The following GTPBP10 variants were observed in gnomAD, a reference collection of about 807,000 sequenced individuals.
GTPBP10 encodes GTP binding protein 10.
In GTPBP10, 38 loss-of-function variants were observed where a neutral mutation model predicts 44.8. That is an observed-to-expected ratio of 0.85 (90% CI 0.65 to 1.11). The LOEUF (loss-of-function observed/expected upper bound fraction) is 1.11, where lower values mean the gene tolerates loss of function less well. Among genes scored for constraint, GTPBP10 ranks in the 50% most tolerant of loss-of-function variants. GTPBP10 has a pLI of 0.00. For synonymous variants in GTPBP10, 152 were observed against 150.6 expected (o/e 1.01, Z -0.07); for missense variants, 462 against 453.7 (o/e 1.02, Z -0.17).
rs376077150 is a variant in GTPBP10, at chr7:90,384,467, C to T, written c.902-425C>T. Among the ~76,000 whole-genome samples the T allele has an allele frequency of 2.4e-3, 360 of 152,188 alleles. 2 individuals carry two copies. Among genetic ancestry groups the T allele is most frequent in the African/African-American group, 8.1e-3 (335 of 41,522 alleles). Reference sequence around the variant, plus strand: ...GATCCTAGCATCATTGATGATAAACCTATACTTTGGGGAAGTTAAAGGTCT... The same window carrying T: ...GATCCTAGCATCATTGATGATAAACTTATACTTTGGGGAAGTTAAAGGTCT... On this transcript the variant is annotated intron_variant, in intron 9 of 9. Coordinates refer to ENST00000222511, the MANE Select transcript of GTPBP10 (RefSeq NM_033107.4).
rs1013329253 is a variant in GTPBP10 at position 90,346,745 on chromosome 7, G to A, written c.4G>A (p.Val2Met). 2 of 1,614,258 alleles carry A rather than the reference G, an allele frequency of 1.2e-6. No homozygotes were observed. Among genetic ancestry groups the A allele is most frequent in the Non-Finnish European group, 1.7e-6 (2 of 1,180,042 alleles). Residue 2 changes from valine to methionine, a missense_variant, in exon 1 of 10, where the codon GTG (valine) becomes ATG (methionine). Transcript: ENST00000222511. ...GGTTTCCTGGCCTGTTGCAGCCATGGTGCATTGCAGTTGCGTGTTGTTCAG... is the reference window on the plus strand; with the variant it reads ...GGTTTCCTGGCCTGTTGCAGCCATGATGCATTGCAGTTGCGTGTTGTTCAG... M[V>M]HCSCVLFRKY...
intron 8 of GTPBP10, among the ~76,000 whole-genome samples, chr7:90,381,681 A>G (rs1034202031): frequency 6.6e-6 from 1 of 152,242 alleles, no homozygotes; most frequent in Non-Finnish European, 1.5e-5. Flanking sequence ...CAAAGCTATC[A>G]TAATCAAAAC....
chr7:90,369,727 G>A (rs965013310), intron 4 of GTPBP10, among the ~76,000 whole-genome samples: 16 of 152,144 alleles, frequency 1.1e-4, no homozygotes, highest in African/African-American at 3.6e-4. Flanking sequence ...AGACTGTCAC[G>A]ACTTCCCTTG....
chr7:90,366,754 T>G (rs913445792), intron 4 of GTPBP10, among the ~76,000 whole-genome samples: 1 of 152,078 alleles, frequency 6.6e-6, no homozygotes, highest in Non-Finnish European at 1.5e-5. Context: ...ATTCATTGAT[T>G]TTTTTGAAGG....
chr7:90,373,319 T>C (rs1023134583), intron 5 of GTPBP10, among the ~76,000 whole-genome samples: 2 of 152,150 alleles, frequency 1.3e-5, no homozygotes, highest in African/African-American at 4.8e-5. Flanking sequence ...AGAAAATGGA[T>C]TGGTGTGGGA....
rs1367415104 is a variant in GTPBP10, at chr7:90,386,684, A to G, written c.*1530A>G. On this transcript the variant is annotated 3_prime_UTR_variant, in exon 10 of 10. Transcript: ENST00000222511. ...CATAGCAAGACCCTGGCTCTCTATA[A>G]AACAGAAAACGCAAACTTTAATATT... 2 of 152,184 alleles carry G rather than the reference A, an allele frequency of 1.3e-5. No homozygotes were observed. Among genetic ancestry groups the G allele is most frequent in the Admixed American group, 6.5e-5 (1 of 15,282 alleles). The allele number at this position is 152,184 out of a possible 1,614,324, so 9.4% of individuals were successfully genotyped here.
Position 90,354,442 on chromosome 7 carries a change from A to C in GTPBP10, c.228-16A>C, listed in dbSNP as rs781488885. The C allele has an allele frequency of 2.2e-6, 3 of 1,356,802 alleles. No individual in the cohort carries two copies. The South Asian group carries it at 3.8e-5, about 17-fold the overall frequency. 84.0% of individuals were successfully genotyped at this position (1,356,802 alleles called of 1,614,324 possible). On this transcript the variant is annotated splice_polypyrimidine_tract_variant and intron_variant, in intron 2 of 9. Transcript: ENST00000222511. ...CACACACACATACATACATATATAT[A>C]CTTTTTTTTTGGTAGAATTAGTGCA...
At chr7:90,374,196 C>A in intron 5 of GTPBP10, 106 bp from the exon 6 acceptor site, 2 of 817,518 alleles carry the variant, frequency 2.4e-6, no homozygotes, top group Non-Finnish European at 4.1e-6. Context: ...CAAATTAGAA[C>A]AAAATCTGAA....
chr7:90,351,499 C>T (rs1055190271), intron 1 of GTPBP10, among the ~76,000 whole-genome samples: 3 of 152,172 alleles, frequency 2.0e-5, no homozygotes, highest in East Asian at 3.8e-4. Context: ...TTTTTGCACT[C>T]ATAACACACA....
chr7:90,362,002 C>G, intron 4 of GTPBP10, among the ~76,000 whole-genome samples: 1 of 152,076 alleles, frequency 6.6e-6, no homozygotes, highest in Non-Finnish European at 1.5e-5. Flanking sequence ...TTTATTGCGT[C>G]TATTTGATTC....
At chr7:90,354,797 TG>T (rs1562953938) in intron 3 of GTPBP10, among the ~76,000 whole-genome samples, 1 of 152,172 alleles carries the variant, frequency 6.6e-6, no homozygotes, top group Non-Finnish European at 1.5e-5. Context: ...TTTACTGAAG[TG>T]TTTTTCTGGG....
chr7:90,372,505 CAG>C (rs1455022180), intron 5 of GTPBP10, among the ~76,000 whole-genome samples: 49 of 47,912 alleles, frequency 1.0e-3, no homozygotes, highest in African/African-American at 1.4e-4. Flanking sequence ...TTTGTGGGGA[CAG>C]GGGTTTCGCC....
At chr7:90,353,055 C>A in intron 2 of GTPBP10, 46 bp downstream of exon 2, 3 of 1,317,802 alleles carry the variant, frequency 2.3e-6, no homozygotes, top group Non-Finnish European at 3.1e-6. Flanking sequence ...TCAAACCCTT[C>A]TGGAAATTTT....
At chr7:90,352,322 A>G (rs42656) in intron 1 of GTPBP10, among the ~76,000 whole-genome samples, 76,913 of 152,138 alleles carry the variant, frequency 0.51, 20,650 homozygotes, top group Middle Eastern at 0.61. Flanking sequence ...TGTTATGTTA[A>G]CATTTATTTT....
chr7:90,359,428 G>A (rs1045677571), intron 4 of GTPBP10, among the ~76,000 whole-genome samples: 1 of 152,106 alleles, frequency 6.6e-6, no homozygotes, highest in Non-Finnish European at 1.5e-5. Context: ...TGCTGAGAAT[G>A]ATGGTTTCCA....
Position 90,363,870 on chromosome 7 carries a change from T to G in GTPBP10, c.465-8285T>G, listed in dbSNP as rs553331535. 3.1e-4 allele frequency among the ~76,000 whole-genome samples: 47 copies of G among 152,250 alleles called. 1 individual carries two copies. In the East Asian group the frequency reaches 8.7e-3, roughly 28 times the overall value. On this transcript the variant is annotated intron_variant, in intron 4 of 9. Coordinates refer to ENST00000222511, the MANE Select transcript of GTPBP10 (RefSeq NM_033107.4). Reference sequence around the variant, plus strand: ...TTTTTCTCTAAAATTCTCTTCTTGCTTCATTTCATTCATTTAATCTTCAGT... The same window carrying G: ...TTTTTCTCTAAAATTCTCTTCTTGCGTCATTTCATTCATTTAATCTTCAGT...
rs188385472 is a variant in GTPBP10, at chr7:90,386,819, A to G, written c.*1665A>G. ...TTAAATGAGTTTTATTATAAAATGT[A>G]CATATTGATTGTAAAAACAAAAAAT... On this transcript the variant is annotated 3_prime_UTR_variant, in exon 10 of 10. Transcript: ENST00000222511. 1 of 152,240 alleles carries G rather than the reference A, an allele frequency of 6.6e-6. No individual in the cohort carries two copies. 9.4% of individuals were successfully genotyped at this position (152,240 alleles called of 1,614,324 possible).
Position 90,390,502 on chromosome 7 carries a change from T to C in GTPBP10, c.*5348T>C, listed in dbSNP as rs935120319. 1 of 152,248 alleles carries C rather than the reference T, an allele frequency of 6.6e-6. No homozygotes were observed. Among genetic ancestry groups the C allele is most frequent in the African/African-American group, 2.4e-5 (1 of 41,462 alleles). 9.4% of individuals were successfully genotyped at this position (152,248 alleles called of 1,614,324 possible). On this transcript the variant is annotated 3_prime_UTR_variant, in exon 10 of 10. Transcript: ENST00000222511. ...TTATTAATGTGTTTATAATAGAAAT[T>C]AAATTCTTTGGGATGTACAGGTAAG...
intron 9 of GTPBP10, among the ~76,000 whole-genome samples, chr7:90,384,602 CA>C (rs67290421): frequency 0.013 from 1,982 of 151,112 alleles, 41 homozygotes; most frequent in African/African-American, 0.044. Context: ...TAACCCCCCC[CA>C]CACACACAAA....
Sources: allele counts gnomAD v4.1 joint callset (sites outside exome capture counted in the v4.1 genomes callset), GRCh38; gene constraint gnomAD v4.1.1; transcripts MANE v1.5; gene names NCBI Gene and HGNC (gene_info 2026-07-23, HGNC 2026-07-21).